The following ADAM18 variants were observed in gnomAD, a reference collection of about 807,000 sequenced individuals.
ADAM18 encodes the protein disintegrin and metalloproteinase domain-containing protein 18.
ADAM18 carries 117 observed loss-of-function variants against 94.4 expected under a neutral mutation model. The ratio of observed to expected loss-of-function variants is 1.24; its 90% confidence interval spans 1.07 to 1.45. The LOEUF is 1.45. ADAM18 is among the 40% of genes most tolerant of loss of function. ADAM18 has a pLI of 0.00. For synonymous variants in ADAM18, 327 were observed against 291.6 expected, an observed-to-expected ratio of 1.12 and a Z score of -1.24; for missense variants, 936 against 880.0, an observed-to-expected ratio of 1.06 and a Z score of -0.81.
chr8:39,616,095 G>A (rs1376458642), intron 6 of ADAM18, among the ~76,000 whole-genome samples: 1 of 152,136 alleles, frequency 6.6e-6, no homozygotes, highest in Non-Finnish European at 1.5e-5. Flanking sequence ...CCATGGTTAG[G>A]AAGGAAGGAT....
At chr8:39,711,316 T>A (rs1002055777) in intron 18 of ADAM18, among the ~76,000 whole-genome samples, 1 of 152,154 alleles carries the variant, frequency 6.6e-6, no homozygotes, top group Admixed American at 6.5e-5. Flanking sequence ...TTCCTTGTTA[T>A]GACAGTCAAA....
At position 39,699,292 on chromosome 8, in the gene ADAM18, C is replaced by T. The variant is rs143944742; in HGVS notation, c.1902+6612C>T. Among the ~76,000 whole-genome samples, 369 of 152,104 alleles carry T rather than the reference C, an allele frequency of 2.4e-3. 1 individual carries two copies. Among genetic ancestry groups the T allele is most frequent in the African/African-American group, 6.0e-3 (250 of 41,510 alleles). ...AATAATGTACATCATATTCATTCTA[C>T]GTTCATGGAAGCTTCCAATATTTGC... On this transcript the variant is annotated intron_variant, in intron 17 of 19. Coordinates refer to ENST00000265707, the MANE Select transcript of ADAM18 (RefSeq NM_014237.3).
chr8:39,694,928 T>G (rs968716721), intron 17 of ADAM18, among the ~76,000 whole-genome samples: 24 of 151,662 alleles, frequency 1.6e-4, no homozygotes, highest in African/African-American at 5.1e-4. Flanking sequence ...TTCACTGTGC[T>G]AAGAATGCCC....
intron 6 of ADAM18, among the ~76,000 whole-genome samples, chr8:39,616,453 A>C (rs1337212272): frequency 1.3e-5 from 2 of 152,166 alleles, no homozygotes; most frequent in Non-Finnish European, 2.9e-5. Flanking sequence ...TCCCAAAACA[A>C]TTTACAGATT....
intron 10 of ADAM18, among the ~76,000 whole-genome samples, chr8:39,641,382 T>C (rs1820231481): frequency 6.6e-6 from 1 of 152,124 alleles, no homozygotes; most frequent in South Asian, 2.1e-4. Context: ...ACCATGCTGT[T>C]TTGGTTACTG....
intron 3 of ADAM18, 51 bp from the exon 4 acceptor site, chr8:39,608,991 A>G (rs960623203): frequency 2.9e-6 from 3 of 1,049,640 alleles, no homozygotes; most frequent in Middle Eastern, 2.4e-4. Flanking sequence ...TGTTTTTAAC[A>G]TTATATTAAG....
At chr8:39,589,613 GA>G (rs1162363515) in intron 2 of ADAM18, among the ~76,000 whole-genome samples, 7 of 151,410 alleles carry the variant, frequency 4.6e-5, no homozygotes, top group Non-Finnish European at 7.4e-5. Context: ...CACACATGAA[GA>G]AATATATATA....
intron 2 of ADAM18, among the ~76,000 whole-genome samples, chr8:39,594,944 C>G (rs186245311): frequency 8.8e-4 from 133 of 151,748 alleles, no homozygotes; most frequent in Non-Finnish European, 2.2e-4. Flanking sequence ...TAGCCTCCGT[C>G]TCTATTTGGG....
intron 6 of ADAM18, 93 bp downstream of exon 6, chr8:39,610,799 T>C: frequency 7.1e-7 from 1 of 1,400,622 alleles, no homozygotes; most frequent in South Asian, 1.8e-5. Flanking sequence ...AGCTGTTGAG[T>C]AGGAATATTA....
At chr8:39,645,251 A>G in intron 10 of ADAM18, 87 bp from the exon 11 acceptor site, 1 of 1,177,666 alleles carries the variant, frequency 8.5e-7, no homozygotes, top group East Asian at 2.6e-5. Context: ...GTATTAAAAT[A>G]GAAAATATGA....
At chr8:39,657,562 C>T (rs151074851) in intron 12 of ADAM18, among the ~76,000 whole-genome samples, 2,135 of 152,188 alleles carry the variant, frequency 0.014, 17 homozygotes, top group Non-Finnish European at 0.022. Flanking sequence ...GTGATCCACC[C>T]GCTTTGGCTT....
intron 14 of ADAM18, among the ~76,000 whole-genome samples, chr8:39,671,924 A>G (rs565284826): frequency 1.3e-5 from 2 of 152,334 alleles, no homozygotes; most frequent in African/African-American, 2.4e-5. Flanking sequence ...GAACCTGATC[A>G]TGAGATAGAA....
chr8:39,662,930 T>C (rs1438420557), intron 12 of ADAM18, among the ~76,000 whole-genome samples: 1 of 152,220 alleles, frequency 6.6e-6, no homozygotes, highest in African/African-American at 2.4e-5. Flanking sequence ...CAGCCCCTAT[T>C]TGAATAATAA....
chr8:39,652,903 A>G lies in ADAM18; in HGVS notation c.1230+4376A>G, dbSNP rs546163984. Among the ~76,000 whole-genome samples the G allele has an allele frequency of 4.6e-4, 70 of 152,290 alleles. 1 individual carries two copies. The highest frequency in any genetic ancestry group is 1.6e-3 in the African/African-American group (67 of 41,568). On this transcript the variant is annotated intron_variant, in intron 12 of 19. Transcript: ENST00000265707. Reference sequence around the variant, plus strand: ...GACAACATGGATGAACCTGGAGGACATGTTGAGTGAAATAAGGCAGGCATA... The same window carrying G: ...GACAACATGGATGAACCTGGAGGACGTGTTGAGTGAAATAAGGCAGGCATA...
chr8:39,701,787 G>T (rs1238277980), intron 17 of ADAM18, among the ~76,000 whole-genome samples: 1 of 152,078 alleles, frequency 6.6e-6, no homozygotes, highest in Non-Finnish European at 1.5e-5. Context: ...ATGGCCTCCA[G>T]CTCCATCCAT....
At chr8:39,650,168 C>T (rs538796970) in intron 12 of ADAM18, among the ~76,000 whole-genome samples, 1 of 152,246 alleles carries the variant, frequency 6.6e-6, no homozygotes, top group South Asian at 2.1e-4. Context: ...TCTGTGATAA[C>T]ACTCCTGACA....
At chr8:39,688,369 A>ACTT (rs1207962954) in intron 16 of ADAM18, among the ~76,000 whole-genome samples, 1 of 151,664 alleles carries the variant, frequency 6.6e-6, no homozygotes, top group Non-Finnish European at 1.5e-5. Flanking sequence ...TTTTTTCTGA[A>ACTT]CTTCTCCCTC....
chr8:39,621,331 AC>A (rs1220614707), intron 6 of ADAM18, among the ~76,000 whole-genome samples: 5 of 150,412 alleles, frequency 3.3e-5, no homozygotes, highest in African/African-American at 9.7e-5. Flanking sequence ...ACACACACAC[AC>A]ACACACACAC....
At chr8:39,675,028 T>C (rs2129580412) in intron 14 of ADAM18, among the ~76,000 whole-genome samples, 1 of 152,344 alleles carries the variant, frequency 6.6e-6, no homozygotes, top group East Asian at 1.9e-4. Context: ...GTAGGTAACC[T>C]GAACTTTCTC....
Sources: allele counts gnomAD v4.1 joint callset (sites outside exome capture counted in the v4.1 genomes callset), GRCh38; gene constraint gnomAD v4.1.1; transcripts MANE v1.5; gene names NCBI Gene and HGNC (gene_info 2026-07-23, HGNC 2026-07-21).